CCDC91: variants seen among roughly 807,000 people sequenced by gnomAD.
CCDC91 encodes the protein coiled-coil domain containing 91, also known as coiled-coil domain-containing protein 91.
Under a neutral mutation model 63.2 loss-of-function variants are expected in CCDC91, and 48 were observed. That is an observed-to-expected ratio of 0.76 (90% CI 0.60 to 0.97). The LOEUF is 0.97. CCDC91 is among the 50% of genes least tolerant of loss of function. The pLI is 0.00. For missense variants in CCDC91, 500 were observed against 494.6 expected (o/e 1.01, Z -0.10); for synonymous variants, 167 against 165.8 (o/e 1.01, Z -0.06).
intron 1 of CCDC91, among the ~76,000 whole-genome samples, chr12:28,238,914 G>A (rs1945143952): frequency 1.3e-5 from 2 of 152,062 alleles, no homozygotes; most frequent in Non-Finnish European, 2.9e-5. Flanking sequence ...GAGGTCAGAA[G>A]TTCGAGATCA....
intron 8 of CCDC91, among the ~76,000 whole-genome samples, chr12:28,397,389 A>G (rs1592547291): frequency 6.6e-6 from 1 of 152,212 alleles, no homozygotes; most frequent in African/African-American, 2.4e-5. Flanking sequence ...CACTGTAGGT[A>G]GAGGGACCTA....
chr12:28,383,825 TCTC>T (rs1196895363), intron 7 of CCDC91, among the ~76,000 whole-genome samples: 1 of 152,166 alleles, frequency 6.6e-6, no homozygotes, highest in Non-Finnish European at 1.5e-5. Flanking sequence ...GCTTAATGTT[TCTC>T]CTCTAATACA....
chr12:28,394,187 G>A (rs1478451933), intron 8 of CCDC91, among the ~76,000 whole-genome samples: 1 of 152,106 alleles, frequency 6.6e-6, no homozygotes, highest in Non-Finnish European at 1.5e-5. Context: ...GCAAAGATTA[G>A]TCGTTGCAGT....
chr12:28,468,220 A>G (rs184183569), intron 11 of CCDC91, among the ~76,000 whole-genome samples: 20 of 151,852 alleles, frequency 1.3e-4, no homozygotes, highest in Admixed American at 1.2e-3. Flanking sequence ...AGATGATCCA[A>G]ATAAAATCAG....
chr12:28,366,369 G>A (rs1215136379), intron 7 of CCDC91, among the ~76,000 whole-genome samples: 7 of 152,152 alleles, frequency 4.6e-5, no homozygotes, highest in South Asian at 2.1e-4. Context: ...CAAACCTCAC[G>A]AAAAGCCTGC....
At chr12:28,289,145 G>A (rs1049214611) in intron 3 of CCDC91, among the ~76,000 whole-genome samples, 4 of 150,992 alleles carry the variant, frequency 2.6e-5, no homozygotes, top group Non-Finnish European at 5.9e-5. Context: ...TGGATTCGTT[G>A]ATCTTTTGAA....
intron 3 of CCDC91, among the ~76,000 whole-genome samples, chr12:28,271,907 A>T (rs1947793541): frequency 6.7e-6 from 1 of 148,960 alleles, no homozygotes; most frequent in Non-Finnish European, 1.5e-5. Flanking sequence ...TATATATTAT[A>T]TATAAATATA....
chr12:28,412,758 C>A (rs1188775036), intron 8 of CCDC91: 2 of 453,566 alleles, frequency 4.4e-6, no homozygotes, highest in Non-Finnish European at 8.8e-6. Flanking sequence ...TTTCAGAGTG[C>A]CCTTTTTTCA....
At chr12:28,289,163 T>C (rs1949071416) in intron 3 of CCDC91, among the ~76,000 whole-genome samples, 1 of 152,106 alleles carries the variant, frequency 6.6e-6, no homozygotes, top group Non-Finnish European at 1.5e-5. Context: ...GAATTTTTTT[T>C]TTTTGTCCCA....
At chr12:28,317,747 G>A (rs1432831361) in intron 6 of CCDC91, among the ~76,000 whole-genome samples, 1 of 151,868 alleles carries the variant, frequency 6.6e-6, no homozygotes, top group African/African-American at 2.4e-5. Context: ...GTGATCACAA[G>A]CATATCTGTA....
At chr12:28,521,344 G>A (rs1411306023) in intron 12 of CCDC91, among the ~76,000 whole-genome samples, 1 of 152,050 alleles carries the variant, frequency 6.6e-6, no homozygotes, top group Non-Finnish European at 1.5e-5. Context: ...ATTGTGAATG[G>A]GAGTTCACTC....
chr12:28,279,283 C>G (rs1238381662), intron 3 of CCDC91, among the ~76,000 whole-genome samples: 3 of 151,890 alleles, frequency 2.0e-5, no homozygotes, highest in African/African-American at 7.2e-5. Context: ...GATTGGGAAA[C>G]TGTCTTGTTT....
chr12:28,507,574 C>G (rs1360134515), intron 12 of CCDC91, among the ~76,000 whole-genome samples: 1 of 152,004 alleles, frequency 6.6e-6, no homozygotes, highest in Non-Finnish European at 1.5e-5. Context: ...TTCTTCCTTT[C>G]CTCCCTACCC....
chr12:28,234,219 C>T (rs1442445334), intron 1 of CCDC91, among the ~76,000 whole-genome samples: 1 of 152,060 alleles, frequency 6.6e-6, no homozygotes, highest in Non-Finnish European at 1.5e-5. Flanking sequence ...GTAGTGTAGC[C>T]TTTTGGTATT....
chr12:28,510,699 G>A (rs1298674151), intron 12 of CCDC91, among the ~76,000 whole-genome samples: 3 of 151,798 alleles, frequency 2.0e-5, no homozygotes, highest in African/African-American at 7.3e-5. Flanking sequence ...AACCACCGCA[G>A]ATAATGATTT....
At chr12:28,537,576 G>A (rs1453503689) in intron 12 of CCDC91, among the ~76,000 whole-genome samples, 1 of 152,130 alleles carries the variant, frequency 6.6e-6, no homozygotes, top group Non-Finnish European at 1.5e-5. Flanking sequence ...CCATAAACTA[G>A]AAATAACAAC....
Position 28,394,711 on chromosome 12 carries a change from G to GCTCTCTCTCTCTCTCT in CCDC91, c.762+3306_762+3321dup, listed in dbSNP as rs151131648. On this transcript the variant is annotated intron_variant, in intron 8 of 12. Coordinates refer to ENST00000536442, the MANE Select transcript of CCDC91 (RefSeq NM_018318.5). The stretch of plus-strand genomic sequence containing the variant: ...TTTGGTTCAACCTTTTCTGTTTCTT[G>GCTCTCTCTCTCTCTCT]CTCTCTCTCTCTCTCTCTCTCCCCC... 7.8e-3 allele frequency among the ~76,000 whole-genome samples: 1,071 copies of GCTCTCTCTCTCTCTCT among 137,008 alleles called. 17 individuals carry two copies. The highest frequency in any genetic ancestry group is 0.026 in the African/African-American group (990 of 38,698). 89.9% of individuals were successfully genotyped at this position (137,008 alleles called of 152,430 possible). A position where few individuals can be genotyped will look rare whatever the true frequency, so the allele number is the denominator to read the frequency against.
At chr12:28,381,204 A>G (rs1424258094) in intron 7 of CCDC91, among the ~76,000 whole-genome samples, 3 of 152,242 alleles carry the variant, frequency 2.0e-5, no homozygotes, top group African/African-American at 7.2e-5. Flanking sequence ...AATGTGAGAG[A>G]GAATAGCATT....
At chr12:28,436,969 A>G (rs1397995217) in intron 8 of CCDC91, among the ~76,000 whole-genome samples, 1 of 151,000 alleles carries the variant, frequency 6.6e-6, no homozygotes, top group African/African-American at 2.4e-5. Flanking sequence ...TTTTTTTGAG[A>G]CAGAGTCTCG....
Sources: gnomAD v4.1 joint callset for allele counts (sites outside exome capture counted in the v4.1 genomes callset) on GRCh38, gnomAD v4.1.1 for gene constraint, MANE v1.5 for transcripts, NCBI Gene and HGNC (gene_info 2026-07-23, HGNC 2026-07-21) for gene names.